Variants in SUPT3H observed in about 807,000 individuals in gnomAD.
The protein encoded by SUPT3H is transcription initiation protein SPT3 homolog.
In SUPT3H, 44 loss-of-function variants were observed where a neutral mutation model predicts 44.3. The ratio of observed to expected loss-of-function variants is 0.99; its 90% CI spans 0.78 to 1.28. The LOEUF is 1.28. Among genes scored for constraint, SUPT3H ranks in the 50% most tolerant of loss-of-function variants. The pLI is 0.00. For missense variants in SUPT3H, 380 were observed against 387.1 expected, an observed-to-expected ratio of 0.98 and a Z score of 0.15; for synonymous variants, 124 against 125.6, an observed-to-expected ratio of 0.99 and a Z score of 0.09.
At chr6:45,257,866 C>T (rs1367418914) in intron 2 of SUPT3H, among the ~76,000 whole-genome samples, 1 of 152,210 alleles carries the variant, frequency 6.6e-6, no homozygotes, top group African/African-American at 2.4e-5. Context: ...CCTGAGATGA[C>T]TTTGCCACAA....
intron 6 of SUPT3H, among the ~76,000 whole-genome samples, chr6:44,983,505 G>GT (rs1285736556): frequency 1.3e-5 from 2 of 151,718 alleles, no homozygotes; most frequent in Non-Finnish European, 2.9e-5. Flanking sequence ...AAGAAAGAAA[G>GT]AAAAAAAATC....
chr6:45,342,622 CATAAT>C (rs1437500237), intron 2 of SUPT3H, among the ~76,000 whole-genome samples: 2 of 152,060 alleles, frequency 1.3e-5, no homozygotes. Context: ...TCAAAACAGT[CATAAT>C]ATAAGGTTTA....
chr6:45,144,160 T>C (rs1338985921), intron 2 of SUPT3H, among the ~76,000 whole-genome samples: 3 of 151,964 alleles, frequency 2.0e-5, no homozygotes, highest in African/African-American at 7.2e-5. Flanking sequence ...TTCCAAAAGA[T>C]AGAAAAAGAA....
intron 2 of SUPT3H, among the ~76,000 whole-genome samples, chr6:45,293,608 G>T (rs534750848): frequency 1.3e-5 from 2 of 152,112 alleles, no homozygotes; most frequent in African/African-American, 4.8e-5. Context: ...ACTAAGAAAA[G>T]AAGAGAGAAA....
In SUPT3H at chr6:44,829,787, G is replaced by C. The variant is rs1270608345; in HGVS notation, c.*29C>G. The C allele has an allele frequency of 1.2e-6, 2 of 1,608,912 alleles. No individual in the cohort carries two copies. Among genetic ancestry groups the C allele is most frequent in the Non-Finnish European group, 1.7e-6 (2 of 1,177,022 alleles). ...ACCTTAATATAACATTGCCTTTCCT[G>C]TTGTTGCAGGCACATCACAGTTGTC... On this transcript the variant is annotated 3_prime_UTR_variant, in exon 11 of 11. Coordinates refer to ENST00000371459, the MANE Select transcript of SUPT3H (RefSeq NM_003599.4).
At chr6:45,111,324 C>T (rs571477696) in intron 2 of SUPT3H, among the ~76,000 whole-genome samples, 100 of 152,164 alleles carry the variant, frequency 6.6e-4, no homozygotes, top group African/African-American at 2.1e-3. Flanking sequence ...ATCCACTGCC[C>T]CCAGCCAAAA....
At chr6:44,890,694 C>G (rs975128452) in intron 10 of SUPT3H, among the ~76,000 whole-genome samples, 6 of 150,062 alleles carry the variant, frequency 4.0e-5, no homozygotes, top group African/African-American at 1.5e-4. Context: ...ACCAGCATGG[C>G]ACATGTATGC....
intron 2 of SUPT3H, among the ~76,000 whole-genome samples, chr6:45,149,094 A>G (rs1432124168): frequency 6.6e-6 from 1 of 152,210 alleles, no homozygotes; most frequent in Non-Finnish European, 1.5e-5. Flanking sequence ...AAACATATTA[A>G]TATACAGTAG....
chr6:44,909,809 C>T (rs1766725001), intron 10 of SUPT3H, among the ~76,000 whole-genome samples: 1 of 152,182 alleles, frequency 6.6e-6, no homozygotes, highest in African/African-American at 2.4e-5. Flanking sequence ...CTTCAGGAAA[C>T]ATTTTCAAAA....
At chr6:45,126,516 A>G (rs1222713223) in intron 2 of SUPT3H, among the ~76,000 whole-genome samples, 2 of 152,236 alleles carry the variant, frequency 1.3e-5, no homozygotes, top group African/African-American at 4.8e-5. Flanking sequence ...AACTTAGGCA[A>G]ACAGCTGCTA....
Position 44,955,931 on chromosome 6 carries a change from T to C in SUPT3H, c.581-1324A>G, listed in dbSNP as rs1218697494. 1.6e-4 allele frequency among the ~76,000 whole-genome samples: 23 copies of C among 142,402 alleles called. No individual in the cohort carries two copies. The East Asian group carries it at 2.4e-3, about 15-fold the overall frequency. The allele number at this position is 142,402 out of a possible 152,430, so 93.4% of individuals were successfully genotyped here. A position where few individuals can be genotyped will look rare whatever the true frequency, so the allele number is the denominator to read the frequency against. ...GTCAGGAGATCGAGACCATCCTGGC[T>C]AATATGGTGAAACCCCGTCTCTACT... On this transcript the variant is annotated intron_variant, in intron 7 of 10. Transcript: ENST00000371459.
intron 6 of SUPT3H, among the ~76,000 whole-genome samples, chr6:44,984,711 T>C (rs1779541708): frequency 6.6e-6 from 1 of 152,176 alleles, no homozygotes. Context: ...ACCTCTTTCC[T>C]ATATGTAACT....
chr6:44,889,324 A>G (rs1762878362), intron 10 of SUPT3H, among the ~76,000 whole-genome samples: 1 of 152,234 alleles, frequency 6.6e-6, no homozygotes, highest in Non-Finnish European at 1.5e-5. Flanking sequence ...TCCTAAGCCA[A>G]AAGAACAAAG....
chr6:45,348,959 G>T (rs946702601), intron 2 of SUPT3H, among the ~76,000 whole-genome samples: 1 of 152,034 alleles, frequency 6.6e-6, no homozygotes, highest in African/African-American at 2.4e-5. Context: ...TTCCACAAAT[G>T]TATACACAGT....
chr6:45,128,032 C>A (rs952708943), intron 2 of SUPT3H, among the ~76,000 whole-genome samples: 1 of 152,066 alleles, frequency 6.6e-6, no homozygotes, highest in Non-Finnish European at 1.5e-5. Context: ...TATCATTATA[C>A]CCCTCTTTAT....
intron 2 of SUPT3H, among the ~76,000 whole-genome samples, chr6:45,147,271 AAAAG>A (rs1254563814): frequency 6.6e-6 from 1 of 152,138 alleles, no homozygotes; most frequent in Admixed American, 6.6e-5. Context: ...GTTTTAGAAA[AAAAG>A]AAAAAGAAAT....
intron 11 of SUPT3H, among the ~76,000 whole-genome samples, chr6:44,816,573 C>A (rs966452484): frequency 6.6e-6 from 1 of 151,930 alleles, no homozygotes; most frequent in African/African-American, 2.4e-5. Flanking sequence ...ACAACAACAA[C>A]AAAAAACACT....
At chr6:44,983,509 A>G (rs1316282476) in intron 6 of SUPT3H, among the ~76,000 whole-genome samples, 3 of 151,966 alleles carry the variant, frequency 2.0e-5, no homozygotes, top group Admixed American at 6.6e-5. Flanking sequence ...AAGAAAGAAA[A>G]AAAATCCCCT....
intron 2 of SUPT3H, among the ~76,000 whole-genome samples, chr6:45,164,527 T>C (rs1314075656): frequency 6.6e-6 from 1 of 152,090 alleles, no homozygotes; most frequent in Non-Finnish European, 1.5e-5. Context: ...AATGAGTGCT[T>C]CGTTAGTCAA....
Sources: gnomAD v4.1 joint callset for allele counts (sites outside exome capture counted in the v4.1 genomes callset) on GRCh38, gnomAD v4.1.1 for gene constraint, MANE v1.5 for transcripts, NCBI Gene and HGNC (gene_info 2026-07-23, HGNC 2026-07-21) for gene names.